Variants in ERBB4 observed in about 807,000 individuals in gnomAD.
ERBB4 encodes erb-b2 receptor tyrosine kinase 4.
ERBB4 carries 42 observed loss-of-function variants against 158.0 expected under a neutral mutation model. The ratio of observed to expected loss-of-function variants is 0.27; its 90% CI spans 0.21 to 0.34. The LOEUF (loss-of-function observed/expected upper bound fraction) is 0.34, where lower values mean the gene tolerates loss of function less well. Among genes scored for constraint, ERBB4 ranks in the 10% least tolerant of loss-of-function variants. The pLI is 1.00. For synonymous variants in ERBB4, 583 were observed against 558.7 expected (o/e 1.04, Z -0.61); for missense variants, 1,333 against 1,624.1 (o/e 0.82, Z 3.08).
rs763374665 is a variant in ERBB4 at position 211,750,692 on chromosome 2, T to C, written c.569A>G (p.His190Arg). Residue 190 changes from histidine (H) to arginine (R), a missense_variant, in exon 5 of 28, where the codon CAT (histidine) becomes CGT (arginine). This residue lies in a region of ERBB4 where 438 missense variants were observed against 586.9 expected (regional missense o/e 0.75). Coordinates refer to ENST00000342788, the MANE Select transcript of ERBB4 (RefSeq NM_005235.3). ...TNGSSGCGRC[H>R]KSCTGRCWGP... ...CCAGCAACGGCCAGTACAGGACTTA[T>C]GGCAACGTCCACCTGCAGAACACGA... is the stretch of plus-strand genomic sequence containing the variant. 6.8e-6 allele frequency: 11 copies of C among 1,613,848 alleles called. No homozygotes were observed. The highest frequency in any genetic ancestry group is 2.2e-5 in the East Asian group (1 of 44,870).
intron 1 of ERBB4, among the ~76,000 whole-genome samples, chr2:212,129,936 T>G (rs892512361): frequency 6.6e-6 from 1 of 152,116 alleles, no homozygotes; most frequent in African/African-American, 2.4e-5. Context: ...AAAGACACAC[T>G]TGATTTTTGA....
intron 12 of ERBB4, among the ~76,000 whole-genome samples, chr2:211,700,895 T>G (rs1174811143): frequency 6.6e-6 from 1 of 152,152 alleles, no homozygotes; most frequent in African/African-American, 2.4e-5. Flanking sequence ...TTCATTTGAG[T>G]TCGGATTCTT....
At chr2:211,894,851 G>C (rs2079059910) in intron 3 of ERBB4, among the ~76,000 whole-genome samples, 1 of 152,086 alleles carries the variant, frequency 6.6e-6, no homozygotes, top group Non-Finnish European at 1.5e-5. Context: ...GATCTAAGAT[G>C]GATAATTTAA....
intron 7 of ERBB4, among the ~76,000 whole-genome samples, chr2:211,720,904 C>A (rs887509817): frequency 6.6e-6 from 1 of 152,140 alleles, no homozygotes; most frequent in Admixed American, 6.5e-5. Context: ...TTTTTACCAC[C>A]CTTACCTGGA....
chr2:211,689,634 G>A (rs1176358272), intron 12 of ERBB4, among the ~76,000 whole-genome samples: 2 of 152,108 alleles, frequency 1.3e-5, no homozygotes, highest in African/African-American at 2.4e-5. Context: ...ATGGGTGGTC[G>A]AATTCTATAT....
intron 25 of ERBB4, among the ~76,000 whole-genome samples, chr2:211,402,646 A>G (rs2063068879): frequency 1.3e-5 from 2 of 151,936 alleles, no homozygotes; most frequent in South Asian, 2.1e-4. Flanking sequence ...GGTCAAGAGA[A>G]GAGAGCAAAA....
chr2:212,292,291 C>T (rs1006159566), intron 1 of ERBB4, among the ~76,000 whole-genome samples: 1 of 151,852 alleles, frequency 6.6e-6, no homozygotes, highest in Non-Finnish European at 1.5e-5. Context: ...AAGATCTTTC[C>T]TAACCTTTTC....
At chr2:212,163,190 C>T (rs936298613) in intron 1 of ERBB4, among the ~76,000 whole-genome samples, 1 of 152,006 alleles carries the variant, frequency 6.6e-6, no homozygotes, top group South Asian at 2.1e-4. Context: ...AACAAATGAG[C>T]CCTAAATGCT....
In ERBB4 at chr2:211,725,279, C is replaced by T. The variant is rs531442377; in HGVS notation, c.623-85G>A. ...TGAGTTCTGGAGTGACAATTTCTCA[C>T]CCTGTCTTTGACTCAATTCAGCAAA... On this transcript the variant is annotated intron_variant, in intron 5 of 27. Coordinates refer to ENST00000342788, the MANE Select transcript of ERBB4 (RefSeq NM_005235.3). The T allele has an allele frequency of 2.2e-5, 22 of 1,015,750 alleles. No homozygotes were observed. The East Asian group carries it at 3.3e-4, about 15-fold the overall frequency. 62.9% of individuals were successfully genotyped at this position (1,015,750 alleles called of 1,614,324 possible).
At chr2:212,382,974 T>C (rs778191360) in intron 1 of ERBB4, among the ~76,000 whole-genome samples, 119 of 151,282 alleles carry the variant, frequency 7.9e-4, no homozygotes, top group Non-Finnish European at 1.6e-3. Flanking sequence ...AGTGGCATTT[T>C]TTTTTCTACC....
intron 6 of ERBB4, among the ~76,000 whole-genome samples, chr2:211,724,361 T>A (rs12612186): frequency 0.15 from 22,354 of 150,732 alleles, 1,721 homozygotes; most frequent in African/African-American, 0.16. Flanking sequence ...TTTTTTTTTT[T>A]AAAAAAAGCT....
chr2:211,573,453 G>A (rs946583009), intron 19 of ERBB4, among the ~76,000 whole-genome samples: 8 of 152,042 alleles, frequency 5.3e-5, no homozygotes, highest in South Asian at 2.1e-4. Flanking sequence ...GGCAGATCAC[G>A]AGGTCAGGAG....
chr2:211,449,730 G>A (rs2064196488), intron 20 of ERBB4, among the ~76,000 whole-genome samples: 1 of 152,180 alleles, frequency 6.6e-6, no homozygotes, highest in Non-Finnish European at 1.5e-5. Flanking sequence ...TTGCCTACAA[G>A]AATATTGTAG....
At chr2:212,011,118 T>A (rs2076376362) in intron 2 of ERBB4, among the ~76,000 whole-genome samples, 1 of 152,144 alleles carries the variant, frequency 6.6e-6, no homozygotes, top group Admixed American at 6.5e-5. Flanking sequence ...ATTATCACAG[T>A]GATCCTGAGG....
chr2:212,320,514 GAA>G (rs11382159), intron 1 of ERBB4, among the ~76,000 whole-genome samples: 4 of 141,778 alleles, frequency 2.8e-5, no homozygotes, highest in African/African-American at 7.6e-5. Context: ...TTACATGACA[GAA>G]AAAAAAAAAC....
intron 15 of ERBB4, among the ~76,000 whole-genome samples, chr2:211,659,066 C>G (rs541089454): frequency 2.8e-4 from 42 of 152,156 alleles, no homozygotes; most frequent in Non-Finnish European, 1.9e-4. Flanking sequence ...ATAGGATCAT[C>G]ATACAATGAT....
intron 2 of ERBB4, among the ~76,000 whole-genome samples, chr2:212,040,493 C>T (rs1424419000): frequency 6.6e-6 from 1 of 152,106 alleles, no homozygotes; most frequent in African/African-American, 2.4e-5. Flanking sequence ...AGCTTGCTAT[C>T]TCAAACTAAC....
At chr2:211,765,843 C>T (rs1331773229) in intron 4 of ERBB4, among the ~76,000 whole-genome samples, 2 of 152,164 alleles carry the variant, frequency 1.3e-5, no homozygotes, top group African/African-American at 4.8e-5. Flanking sequence ...GAAACCTTCA[C>T]TGGCATATGT....
intron 3 of ERBB4, among the ~76,000 whole-genome samples, chr2:211,830,958 T>C (rs1461149649): frequency 6.6e-6 from 1 of 151,744 alleles, no homozygotes; most frequent in Non-Finnish European, 1.5e-5. Context: ...AAACTTAACA[T>C]ATACCAGGAT....
Sources: allele counts gnomAD v4.1 joint callset (sites outside exome capture counted in the v4.1 genomes callset), GRCh38; gene constraint gnomAD v4.1.1; regional missense constraint gnomAD v4.1.1; transcripts MANE v1.5; gene names NCBI Gene and HGNC (gene_info 2026-07-23, HGNC 2026-07-21).